The following CDH1 variants were observed in gnomAD, a reference collection of about 807,000 sequenced individuals.
CDH1 encodes the protein cadherin-1.
Under a neutral mutation model 84.5 loss-of-function variants are expected in CDH1, and 35 were observed. That is an observed-to-expected ratio of 0.41 (90% CI 0.32 to 0.55). The LOEUF (loss-of-function observed/expected upper bound fraction) is 0.55. Among genes scored for constraint, CDH1 ranks in the 20% least tolerant of loss-of-function variants. CDH1 has a pLI of 0.19. For synonymous variants in CDH1, 417 were observed against 439.0 expected, an observed-to-expected ratio of 0.95 and a Z score of 0.63; for missense variants, 994 against 1,126.6, an observed-to-expected ratio of 0.88 and a Z score of 1.68.
chr16:68,827,058 G>A (rs1567514899), intron 13 of CDH1, among the ~76,000 whole-genome samples: 1 of 152,134 alleles, frequency 6.6e-6, no homozygotes. Flanking sequence ...ATCACTTGAG[G>A]TCAGGAGTTT....
chr16:68,777,507 G>T (rs190223083), intron 2 of CDH1, among the ~76,000 whole-genome samples: 75 of 146,944 alleles, frequency 5.1e-4, no homozygotes, highest in African/African-American at 1.8e-3. Context: ...TTGTGGGGTG[G>T]TAGTGTTCTA....
At chr16:68,821,369 G>A (rs996956202) in intron 11 of CDH1, among the ~76,000 whole-genome samples, 2 of 151,754 alleles carry the variant, frequency 1.3e-5, no homozygotes, top group Admixed American at 1.3e-4. Flanking sequence ...CAGCTACTAG[G>A]GAGGCAGAGG....
rs1057520916 is a variant in CDH1 at position 68,738,293 on chromosome 16, C to A, written c.49-4C>A. ...CGGTTCCATCTACCTTTCCCCCACC[C>A]CAGGTCTCCTCTTGGCTCTGCCAGG... On this transcript the variant is annotated splice_polypyrimidine_tract_variant and splice_region_variant and intron_variant, in intron 1 of 15. Coordinates refer to ENST00000261769, the MANE Select transcript of CDH1 (RefSeq NM_004360.5). 1 of 1,540,290 alleles carries A rather than the reference C, an allele frequency of 6.5e-7. No homozygotes were observed.
In CDH1 at chr16:68,737,431, C is replaced by T. The variant is rs2152113958; in HGVS notation, c.16C>T (p.Arg6Cys). The change falls in exon 1 of 16, where the codon CGC becomes TGC. Residue 6 changes from arginine (R) to cysteine (C), a missense_variant. Arg to Cys is a radical substitution (Grantham distance 180). Transcript: ENST00000261769. MGPWS[R>C]SLSALLLLLQ... ...CCGGCCAGCCATGGGCCCTTGGAGC[C>T]GCAGCCTCTCGGCGCTGCTGCTGCT... 1 of 1,534,800 alleles carries T rather than the reference C, an allele frequency of 6.5e-7. No homozygotes were observed. The highest frequency in any genetic ancestry group is 8.7e-7 in the Non-Finnish European group (1 of 1,147,068).
chr16:68,768,169 G>C (rs8056206), intron 2 of CDH1, among the ~76,000 whole-genome samples: 44,934 of 151,770 alleles, frequency 0.3, 6,712 homozygotes, highest in Middle Eastern at 0.33. Context: ...TGGTCTCGAA[G>C]TCCTGACCTC....
chr16:68,806,025 A>G (rs1000297598), intron 3 of CDH1, among the ~76,000 whole-genome samples: 5 of 152,018 alleles, frequency 3.3e-5, no homozygotes, highest in East Asian at 1.9e-4. Flanking sequence ...TCGGCTCACT[A>G]CAACTTCTGC....
At chr16:68,740,004 T>C (rs1195217945) in intron 2 of CDH1, among the ~76,000 whole-genome samples, 1 of 152,190 alleles carries the variant, frequency 6.6e-6, no homozygotes, top group Admixed American at 6.5e-5. Flanking sequence ...GCCTTATCGT[T>C]GTGACAATCT....
chr16:68,828,112 C>T (rs1961368761), intron 13 of CDH1, 62 bp from the exon 14 acceptor site: 4 of 1,600,040 alleles, frequency 2.5e-6, no homozygotes, highest in Non-Finnish European at 3.4e-6. Flanking sequence ...GTGATAGCTG[C>T]TGCTTCTGGC....
intron 2 of CDH1, among the ~76,000 whole-genome samples, chr16:68,750,867 C>G (rs1962869481): frequency 6.6e-6 from 1 of 151,976 alleles, no homozygotes; most frequent in African/African-American, 2.4e-5. Context: ...CCATGCCCGG[C>G]TAATTTTTAA....
intron 2 of CDH1, among the ~76,000 whole-genome samples, chr16:68,798,040 T>C (rs1262919972): frequency 1.3e-5 from 2 of 151,642 alleles, no homozygotes; most frequent in Non-Finnish European, 2.9e-5. Flanking sequence ...GATTGCACCA[T>C]TGCACTCCAG....
chr16:68,827,986 T>C (rs539140854), intron 13 of CDH1, among the ~76,000 whole-genome samples, 188 bp from the exon 14 acceptor site: 13 of 152,318 alleles, frequency 8.5e-5, no homozygotes, highest in African/African-American at 3.1e-4. Context: ...TCTACTATGT[T>C]GTACTGTACA....
At chr16:68,792,041 C>A (rs1455200576) in intron 2 of CDH1, among the ~76,000 whole-genome samples, 1 of 151,598 alleles carries the variant, frequency 6.6e-6, no homozygotes, top group Non-Finnish European at 1.5e-5. Flanking sequence ...CTGCCTTACT[C>A]TCCCAAGTGG....
chr16:68,757,867 A>G, intron 2 of CDH1, among the ~76,000 whole-genome samples: 1 of 148,612 alleles, frequency 6.7e-6, no homozygotes, highest in Non-Finnish European at 1.5e-5. Flanking sequence ...ATTTTGGCTC[A>G]CTGCAACCTC....
At position 68,808,925 on chromosome 16, in the gene CDH1, G is replaced by A. The variant is rs542845447; in HGVS notation, c.687+77G>A. ...TTTTTGGTCAACCCATGCTGGATCC[G>A]CAGATCAGAGGCTCTGAACACATGA... is the stretch of plus-strand genomic sequence containing the variant. On this transcript the variant is annotated intron_variant, in intron 5 of 15. Coordinates refer to ENST00000261769, the MANE Select transcript of CDH1 (RefSeq NM_004360.5). 154 of 1,372,482 alleles carry A rather than the reference G, an allele frequency of 1.1e-4. 1 individual carries two copies. In the East Asian group the frequency reaches 1.2e-3, roughly 11 times the overall value. 85.0% of individuals were successfully genotyped at this position (1,372,482 alleles called of 1,614,324 possible).
rs947206002 is a variant in CDH1, at chr16:68,745,356, G to A, written c.163+6945G>A. Among the ~76,000 whole-genome samples the A allele has an allele frequency of 1.0e-4, 15 of 149,916 alleles. No homozygotes were observed. In the South Asian group the frequency reaches 2.8e-3, roughly 28 times the overall value. ...AAAAAATTTAGCCAGGTATGGTGGCGTGCACCTGTGGTACTAGCATCAAAA... is the reference window on the plus strand; with the variant it reads ...AAAAAATTTAGCCAGGTATGGTGGCATGCACCTGTGGTACTAGCATCAAAA... On this transcript the variant is annotated intron_variant, in intron 2 of 15. Transcript: ENST00000261769.
rs779601817 is a variant in CDH1 at position 68,813,417 on chromosome 16, C to A, written c.1242C>A (p.Thr414=). 1 of 1,614,090 alleles carries A rather than the reference C, an allele frequency of 6.2e-7. No individual in the cohort carries two copies. Among genetic ancestry groups the A allele is most frequent in the Non-Finnish European group, 8.5e-7 (1 of 1,180,004 alleles). Residue 414 remains threonine, a synonymous_variant, in exon 9 of 16, where the codon ACC becomes ACA. Transcript: ENST00000261769. ...CCCCAGCGTGGGAGGCTGTATACAC[C>A]ATATTGAATGATGATGGTGGACAAT... ...PNTPAWEAVY[T]ILNDDGGQFV...
chr16:68,758,138 A>T (rs1484975293), intron 2 of CDH1, among the ~76,000 whole-genome samples: 4 of 138,674 alleles, frequency 2.9e-5, no homozygotes, highest in African/African-American at 1.1e-4. Context: ...TTTTTTTCAA[A>T]TTTTTTTGTG....
At chr16:68,778,140 C>T (rs909590387) in intron 2 of CDH1, among the ~76,000 whole-genome samples, 5 of 152,156 alleles carry the variant, frequency 3.3e-5, no homozygotes, top group Admixed American at 6.5e-5. Context: ...CTCCACCTCC[C>T]GGGTTCAAGC....
At chr16:68,828,449 C>T (rs1170672412) in intron 14 of CDH1, 145 bp downstream of exon 14, 6 of 747,228 alleles carry the variant, frequency 8.0e-6, no homozygotes, top group Admixed American at 2.1e-5. Context: ...TAGACATTGT[C>T]ATTGACCATC....
Sources: gnomAD v4.1 joint callset for allele counts (sites outside exome capture counted in the v4.1 genomes callset) on GRCh38, gnomAD v4.1.1 for gene constraint, MANE v1.5 for transcripts, NCBI Gene and HGNC (gene_info 2026-07-23, HGNC 2026-07-21) for gene names.